The following PLCB1 variants were observed in gnomAD, a reference collection of about 807,000 sequenced individuals.
The protein encoded by PLCB1 is 1-phosphatidylinositol 4,5-bisphosphate phosphodiesterase beta-1.
A neutral mutation model predicts 161.8 loss-of-function variants in PLCB1; 46 were observed. That is an observed-to-expected ratio of 0.28 (90% CI 0.22 to 0.36). PLCB1 has a LOEUF of 0.36. PLCB1 is among the 10% of genes least tolerant of loss of function. The probability of loss-of-function intolerance (pLI) is 1.00; values close to 1 mark genes in which losing one functional copy is unlikely to be tolerated. For missense variants in PLCB1, 1,016 were observed against 1,472.5 expected (o/e 0.69, Z 5.07); for synonymous variants, 517 against 503.7 (o/e 1.03, Z -0.35).
At chr20:8,810,028 T>C (rs1434864337) in intron 31 of PLCB1, among the ~76,000 whole-genome samples, 2 of 152,186 alleles carry the variant, frequency 1.3e-5, no homozygotes, top group African/African-American at 4.8e-5. Context: ...AAAAGTTTTA[T>C]GTAGCAGTAA....
intron 23 of PLCB1, among the ~76,000 whole-genome samples, chr20:8,748,613 A>G (rs1375935681): frequency 6.6e-6 from 1 of 152,208 alleles, no homozygotes. Flanking sequence ...TTAATGATGA[A>G]GTTTTTCACT....
chr20:8,383,575 A>G (rs1377082963), intron 3 of PLCB1, among the ~76,000 whole-genome samples: 1 of 152,146 alleles, frequency 6.6e-6, no homozygotes, highest in Non-Finnish European at 1.5e-5. Flanking sequence ...TCCTGTCATC[A>G]TTATGCTATC....
intron 2 of PLCB1, among the ~76,000 whole-genome samples, chr20:8,204,239 T>C (rs980833616): frequency 3.9e-5 from 6 of 152,066 alleles, no homozygotes; most frequent in Non-Finnish European, 7.4e-5. Context: ...ATTTGTTAAA[T>C]TATTAACAAC....
At chr20:8,832,731 C>G (rs1986076583) in intron 31 of PLCB1, among the ~76,000 whole-genome samples, 1 of 152,216 alleles carries the variant, frequency 6.6e-6, no homozygotes, top group Non-Finnish European at 1.5e-5. Flanking sequence ...AACGCTTGGT[C>G]TTGCTTTCAG....
At chr20:8,184,807 T>TATTATTATTATA (rs2051884060) in intron 2 of PLCB1, among the ~76,000 whole-genome samples, 2 of 144,004 alleles carry the variant, frequency 1.4e-5, no homozygotes, top group Non-Finnish European at 3.0e-5. Flanking sequence ...TTATTATTAT[T>TATTATTATTATA]ATACTTTAAG....
intron 31 of PLCB1, chr20:8,831,127 T>G (rs1985960623): frequency 1.3e-5 from 2 of 152,342 alleles, no homozygotes; most frequent in South Asian, 4.1e-4. Context: ...TTGGCCTTGG[T>G]GTATAGTGTC....
chr20:8,399,846 A>T (rs894443799), intron 3 of PLCB1, among the ~76,000 whole-genome samples: 1 of 152,200 alleles, frequency 6.6e-6, no homozygotes, highest in Admixed American at 6.5e-5. Flanking sequence ...CCGAAAATAA[A>T]AATAAGAAAA....
rs185518485 is a variant in PLCB1, at chr20:8,613,913, A to G, written c.247-14381A>G. Among the ~76,000 whole-genome samples the G allele has an allele frequency of 6.6e-4, 100 of 152,106 alleles. 1 individual carries two copies. The highest frequency in any genetic ancestry group is 1.1e-3 in the Non-Finnish European group (76 of 67,966). On this transcript the variant is annotated intron_variant, in intron 3 of 31. Transcript: ENST00000338037. ...ATAGGAGAAAATGCCACATCATTTG[A>G]CATTAAACCAAATGATACATTTGAA...
At position 8,659,198 on chromosome 20, in the gene PLCB1, G is replaced by T. The variant is rs148166013; in HGVS notation, c.862+494G>T. On this transcript the variant is annotated intron_variant, in intron 9 of 31. Transcript: ENST00000338037. ...AATAGTCTAAAATTTGGCTGTCTGT[G>T]TAAAAAAGCCTAGTGTTGTAAATAC... 2.8e-4 allele frequency among the ~76,000 whole-genome samples: 43 copies of T among 152,172 alleles called. 2 individuals carry two copies. The East Asian group carries it at 7.5e-3, about 27-fold the overall frequency.
chr20:8,214,516 G>A (rs1034867352), intron 2 of PLCB1, among the ~76,000 whole-genome samples: 3 of 152,008 alleles, frequency 2.0e-5, no homozygotes, highest in Admixed American at 6.6e-5. Context: ...TTCTGTACCG[G>A]CTGCAGAGCC....
At chr20:8,835,504 A>T (rs1243284505) in intron 31 of PLCB1, among the ~76,000 whole-genome samples, 2 of 152,218 alleles carry the variant, frequency 1.3e-5, no homozygotes, top group East Asian at 3.9e-4. Flanking sequence ...AATTCATCCA[A>T]TTCTATTATG....
At chr20:8,246,881 T>G (rs1460814221) in intron 2 of PLCB1, among the ~76,000 whole-genome samples, 1 of 151,888 alleles carries the variant, frequency 6.6e-6, no homozygotes, top group African/African-American at 2.4e-5. Flanking sequence ...TTTCCACTCT[T>G]TAGAGCTACC....
chr20:8,697,791 A>G lies in PLCB1; in HGVS notation c.1167+8A>G, dbSNP rs1385693736. ...ACTGAAATATCTTTCAAGGTAGAGT[A>G]TATGAATGTTACTAAGAGAGGCAGC... On this transcript the variant is annotated splice_region_variant and intron_variant, in intron 11 of 31. Transcript: ENST00000338037. 1.9e-6 allele frequency: 3 copies of G among 1,613,786 alleles called. No homozygotes were observed. The highest frequency in any genetic ancestry group is 2.2e-5 in the South Asian group (2 of 91,040).
intron 31 of PLCB1, among the ~76,000 whole-genome samples, chr20:8,833,697 T>C (rs1305829450): frequency 6.6e-6 from 1 of 152,200 alleles, no homozygotes; most frequent in African/African-American, 2.4e-5. Flanking sequence ...TGATTTCAGA[T>C]TTCTGGCCTC....
chr20:8,800,030 A>G (rs576913440), intron 31 of PLCB1, among the ~76,000 whole-genome samples: 4 of 152,356 alleles, frequency 2.6e-5, no homozygotes, highest in Admixed American at 6.5e-5. Context: ...ACCCATGGAT[A>G]TGAAGGGGAT....
chr20:8,323,219 T>C (rs1034335193), intron 2 of PLCB1, among the ~76,000 whole-genome samples: 1 of 152,208 alleles, frequency 6.6e-6, no homozygotes, highest in Non-Finnish European at 1.5e-5. Flanking sequence ...TTAAGTTGTT[T>C]ATAAGGTATT....
intron 3 of PLCB1, among the ~76,000 whole-genome samples, chr20:8,499,697 A>C (rs1024971456): frequency 1.3e-5 from 2 of 152,222 alleles, no homozygotes; most frequent in African/African-American, 2.4e-5. Flanking sequence ...GTAATAAGTG[A>C]ATAGGCTAAC....
intron 2 of PLCB1, among the ~76,000 whole-genome samples, chr20:8,347,794 T>G (rs933544346): frequency 6.6e-6 from 1 of 152,120 alleles, no homozygotes; most frequent in Admixed American, 6.5e-5. Flanking sequence ...GTTAAATTTT[T>G]TATTGAATTC....
intron 2 of PLCB1, among the ~76,000 whole-genome samples, chr20:8,353,727 A>G (rs899552382): frequency 6.6e-6 from 1 of 152,140 alleles, no homozygotes; most frequent in Non-Finnish European, 1.5e-5. Flanking sequence ...AAGGTCATCA[A>G]AAGCAAGGAA....
Sources: allele counts gnomAD v4.1 joint callset (sites outside exome capture counted in the v4.1 genomes callset), GRCh38; gene constraint gnomAD v4.1.1; transcripts MANE v1.5; gene names NCBI Gene and HGNC (gene_info 2026-07-23, HGNC 2026-07-21).